Variants in XYLT1 observed in about 807,000 individuals in gnomAD.
XYLT1 encodes the protein xylosyltransferase 1, also known as beta-D-xylosyltransferase 1.
Under a neutral mutation model 91.3 loss-of-function variants are expected in XYLT1, and 36 were observed. That is an observed-to-expected ratio of 0.39 (90% CI 0.30 to 0.52). XYLT1 has a LOEUF of 0.52. Among genes scored for constraint, XYLT1 ranks in the 20% least tolerant of loss-of-function variants. The pLI is 0.68. For missense variants in XYLT1, 1,242 were observed against 1,284.5 expected (o/e 0.97, Z 0.51); for synonymous variants, 588 against 532.0 (o/e 1.11, Z -1.45).
chr16:17,307,547 C>CAG (rs1186470868), intron 2 of XYLT1, among the ~76,000 whole-genome samples: 2 of 152,122 alleles, frequency 1.3e-5, no homozygotes, highest in Non-Finnish European at 2.9e-5. Context: ...GTTTTTATGG[C>CAG]AGAGAGAGAG....
At chr16:17,130,453 A>G (rs368735186) in intron 9 of XYLT1, among the ~76,000 whole-genome samples, 1 of 110,226 alleles carries the variant, frequency 9.1e-6, no homozygotes, top group Non-Finnish European at 1.9e-5. Flanking sequence ...TTAGAAGTCA[A>G]TCTTTGATTA....
At position 17,200,560 on chromosome 16, in the gene XYLT1, G is replaced by A. The variant is rs368177745; in HGVS notation, c.1008C>T (p.Gly336=). 8 of 1,614,228 alleles carry A rather than the reference G, an allele frequency of 5.0e-6. No homozygotes were observed. Among genetic ancestry groups the A allele is most frequent in the Non-Finnish European group, 6.8e-6 (8 of 1,180,032 alleles). ...TGCGCTGCAACTGCCGAGAGGCACG[G>A]CCGTGGACCACCAGGACAAAGGCGA... is the stretch of plus-strand genomic sequence containing the variant. ...VRIAFVLVVH[G]RASRQLQRMF... The change falls in exon 4 of 12, where the codon GGC becomes GGT. Residue 336 remains glycine, a synonymous_variant. Coordinates refer to ENST00000261381, the MANE Select transcript of XYLT1 (RefSeq NM_022166.4).
chr16:17,428,577 T>C (rs1393887612), intron 1 of XYLT1, among the ~76,000 whole-genome samples: 1 of 152,206 alleles, frequency 6.6e-6, no homozygotes, highest in African/African-American at 2.4e-5. Context: ...ATGATGATCA[T>C]CAAAAGTCCT....
chr16:17,359,570 T>C (rs945341438), intron 1 of XYLT1, among the ~76,000 whole-genome samples: 12 of 152,142 alleles, frequency 7.9e-5, no homozygotes, highest in African/African-American at 2.7e-4. Context: ...AATTCTCCAT[T>C]GGTGTAACTG....
intron 2 of XYLT1, among the ~76,000 whole-genome samples, chr16:17,348,010 T>C (rs961745793): frequency 3.3e-5 from 5 of 151,916 alleles, no homozygotes; most frequent in Admixed American, 6.6e-5. Context: ...GAAACCCTCA[T>C]CTCATCTCTT....
chr16:17,243,118 C>G (rs1000324728), intron 3 of XYLT1, among the ~76,000 whole-genome samples: 2 of 152,180 alleles, frequency 1.3e-5, no homozygotes, highest in African/African-American at 2.4e-5. Flanking sequence ...TTCAATTCTT[C>G]TAGGTACACA....
intron 3 of XYLT1, among the ~76,000 whole-genome samples, chr16:17,211,876 T>C (rs1337084081): frequency 6.6e-6 from 1 of 152,144 alleles, no homozygotes; most frequent in Non-Finnish European, 1.5e-5. Flanking sequence ...AGATAATTCC[T>C]TGTTGTGGAG....
At chr16:17,180,417 C>A (rs985151512) in intron 5 of XYLT1, among the ~76,000 whole-genome samples, 1 of 152,052 alleles carries the variant, frequency 6.6e-6, no homozygotes, top group Non-Finnish European at 1.5e-5. Flanking sequence ...GGCCTTAAAC[C>A]AGATTCCGGC....
chr16:17,306,813 T>C (rs1348457845), intron 2 of XYLT1, among the ~76,000 whole-genome samples: 2 of 152,158 alleles, frequency 1.3e-5, no homozygotes, highest in Admixed American at 6.5e-5. Flanking sequence ...TAGTCTTGAA[T>C]GTCCTTACAT....
intron 3 of XYLT1, among the ~76,000 whole-genome samples, chr16:17,236,519 G>A (rs975810806): frequency 2.0e-5 from 3 of 152,158 alleles, no homozygotes; most frequent in African/African-American, 7.2e-5. Flanking sequence ...CATCGGACTG[G>A]TGATGCCCAT....
At chr16:17,206,324 TAA>T (rs2032643334) in intron 3 of XYLT1, among the ~76,000 whole-genome samples, 1 of 152,080 alleles carries the variant, frequency 6.6e-6, no homozygotes, top group Admixed American at 6.6e-5. Context: ...TGGGAAATTT[TAA>T]AAGAGGTTTT....
intron 1 of XYLT1, among the ~76,000 whole-genome samples, chr16:17,460,224 C>A (rs1338409497): frequency 6.6e-6 from 1 of 152,116 alleles, no homozygotes; most frequent in African/African-American, 2.4e-5. Context: ...CTTCCCAATG[C>A]GTGTTATTGG....
chr16:17,449,374 G>A (rs759786677), intron 1 of XYLT1, among the ~76,000 whole-genome samples: 15 of 152,248 alleles, frequency 9.9e-5, no homozygotes, highest in Non-Finnish European at 2.9e-5. Context: ...AAGATTGGGT[G>A]TCTGCCAGGC....
chr16:17,371,633 T>C (rs1167709653), intron 1 of XYLT1, among the ~76,000 whole-genome samples: 1 of 152,216 alleles, frequency 6.6e-6, no homozygotes, highest in Non-Finnish European at 1.5e-5. Flanking sequence ...TTCATAAAAT[T>C]GAAGTATGTT....
At chr16:17,469,103 C>A (rs1471967712) in intron 1 of XYLT1, among the ~76,000 whole-genome samples, 1 of 152,222 alleles carries the variant, frequency 6.6e-6, no homozygotes, top group South Asian at 2.1e-4. Flanking sequence ...CATCACATCA[C>A]GTCTTGGGAC....
chr16:17,269,792 T>TTTATTATTATTATTATTA (rs60773820), intron 2 of XYLT1, among the ~76,000 whole-genome samples: 15,740 of 141,560 alleles, frequency 0.11, 1,032 homozygotes, highest in African/African-American at 0.13. Flanking sequence ...TCCTTCTCCC[T>TTTATTATTATTATTATTA]TTATTATTAT....
intron 3 of XYLT1, among the ~76,000 whole-genome samples, chr16:17,229,576 G>T (rs2033128268): frequency 6.6e-6 from 1 of 152,194 alleles, no homozygotes; most frequent in Admixed American, 6.5e-5. Flanking sequence ...GCCAGGTGGG[G>T]GCAGAGGCAA....
chr16:17,416,619 T>C (rs1160348743), intron 1 of XYLT1, among the ~76,000 whole-genome samples: 1 of 151,806 alleles, frequency 6.6e-6, no homozygotes, highest in Non-Finnish European at 1.5e-5. Flanking sequence ...CTGGAGGAGC[T>C]GCGGCTCCTG....
intron 2 of XYLT1, among the ~76,000 whole-genome samples, chr16:17,329,766 G>C (rs1464816912): frequency 6.6e-6 from 1 of 152,208 alleles, no homozygotes; most frequent in Admixed American, 6.5e-5. Context: ...CATGGACACA[G>C]AAGAGGCAGT....
Sources: allele counts gnomAD v4.1 joint callset (sites outside exome capture counted in the v4.1 genomes callset), GRCh38; gene constraint gnomAD v4.1.1; transcripts MANE v1.5; gene names NCBI Gene and HGNC (gene_info 2026-07-23, HGNC 2026-07-21).